CSMD2: variants seen among roughly 807,000 people sequenced by gnomAD.
The protein encoded by CSMD2 is CUB and sushi domain-containing protein 2.
In CSMD2, 130 loss-of-function variants were observed where a neutral mutation model predicts 398.5. The ratio of observed to expected loss-of-function variants is 0.33; its 90% CI spans 0.28 to 0.38. The LOEUF is 0.38. CSMD2 is among the 10% of genes least tolerant of loss of function. The pLI is 1.00. For synonymous variants in CSMD2, 1,828 were observed against 1,908.5 expected, an observed-to-expected ratio of 0.96 and a Z score of 1.10; for missense variants, 3,829 against 4,764.9, an observed-to-expected ratio of 0.80 and a Z score of 5.78.
At chr1:33,672,966 C>T (rs1005508490) in intron 25 of CSMD2, among the ~76,000 whole-genome samples, 1 of 152,212 alleles carries the variant, frequency 6.6e-6, no homozygotes, top group African/African-American at 2.4e-5. Context: ...ATCTGTACGT[C>T]ACCATCATCA....
intron 5 of CSMD2, chr1:33,864,548 G>A (rs529868623): frequency 5.4e-5 from 87 of 1,614,072 alleles, no homozygotes; most frequent in African/African-American, 1.5e-4. Context: ...CGAACTGGTC[G>A]GTGGTGCAGG....
intron 62 of CSMD2, among the ~76,000 whole-genome samples, chr1:33,534,115 C>G (rs1266549062): frequency 1.3e-5 from 2 of 152,178 alleles, no homozygotes; most frequent in African/African-American, 4.8e-5. Flanking sequence ...ATACCCTGAA[C>G]AAAGTTGTAA....
chr1:33,707,695 G>GCGCGCACACACACACACA (rs1172787777), intron 22 of CSMD2, among the ~76,000 whole-genome samples: 1 of 92,092 alleles, frequency 1.1e-5, no homozygotes, highest in Non-Finnish European at 2.1e-5. Flanking sequence ...GCGCGCGCGC[G>GCGCGCACACACACACACA]CACACACACA....
chr1:34,108,310 G>A (rs1488556338), intron 1 of CSMD2, among the ~76,000 whole-genome samples: 1 of 152,150 alleles, frequency 6.6e-6, no homozygotes, highest in Non-Finnish European at 1.5e-5. Context: ...CCCTAACATA[G>A]TGCCATGGAA....
At position 33,557,749 on chromosome 1, in the gene CSMD2, G is replaced by A. The variant is rs536882056; in HGVS notation, c.8728C>T (p.Arg2910Cys). Residue 2910 changes from arginine (R) to cysteine (C), a missense_variant, in exon 55 of 71, where the codon CGC becomes TGC. Arg to Cys is a radical substitution (Grantham distance 180). Coordinates refer to ENST00000373381, the MANE Select transcript of CSMD2 (RefSeq NM_001281956.2). The part of the protein sequence containing the change: ...CQGDGTWDRP[R>C]PQCLLVSCGH... ...ATCTACTTACAGAGACACTGGGGGCGGGGACGGTCCCATGTGCCATCTCCC... is the reference window on the plus strand; with the variant it reads ...ATCTACTTACAGAGACACTGGGGGCAGGGACGGTCCCATGTGCCATCTCCC... 6.8e-5 allele frequency: 104 copies of A among 1,536,004 alleles called. No homozygotes were observed. The highest frequency in any genetic ancestry group is 1.2e-4 in the African/African-American group (9 of 73,168).
At chr1:34,076,928 A>AATATATATATATATATATATATATAT (rs1177320523) in intron 2 of CSMD2, among the ~76,000 whole-genome samples, 1 of 53,600 alleles carries the variant, frequency 1.9e-5, no homozygotes, top group Non-Finnish European at 3.2e-5. Flanking sequence ...AAAAAAAAAA[A>AATATATATATATATATATATATATAT]ATATATATAT....
intron 6 of CSMD2, among the ~76,000 whole-genome samples, chr1:33,844,350 T>A (rs1661160306): frequency 6.6e-6 from 1 of 152,152 alleles, no homozygotes; most frequent in Admixed American, 6.5e-5. Context: ...GTGTCTAGCA[T>A]CTAATGGGCA....
At chr1:34,050,813 G>A (rs1176598332) in intron 2 of CSMD2, among the ~76,000 whole-genome samples, 1 of 151,482 alleles carries the variant, frequency 6.6e-6, no homozygotes, top group African/African-American at 2.4e-5. Flanking sequence ...AGGGAGGAAT[G>A]CTCCCACCAG....
intron 27 of CSMD2, 64 bp downstream of exon 27, chr1:33,657,882 G>A: frequency 6.8e-7 from 1 of 1,467,304 alleles, no homozygotes; most frequent in Non-Finnish European, 9.4e-7. Flanking sequence ...GCTGTGCATG[G>A]AAGGTTCTGG....
intron 13 of CSMD2, among the ~76,000 whole-genome samples, chr1:33,766,085 C>T (rs1358672562): frequency 1.3e-5 from 2 of 152,208 alleles, no homozygotes; most frequent in South Asian, 4.1e-4. Flanking sequence ...ACTGTGCTCC[C>T]ATAAACCCAC....
chr1:34,048,927 C>G (rs1570934800), intron 2 of CSMD2, among the ~76,000 whole-genome samples: 1 of 152,154 alleles, frequency 6.6e-6, no homozygotes, highest in Non-Finnish European at 1.5e-5. Context: ...GGACACTATG[C>G]CCACTGTTTC....
chr1:33,750,871 T>C (rs368125901), intron 13 of CSMD2, among the ~76,000 whole-genome samples: 14 of 152,278 alleles, frequency 9.2e-5, no homozygotes, highest in African/African-American at 3.1e-4. Context: ...AGGAAGGACT[T>C]TATTAGTATT....
At chr1:33,918,381 T>C (rs1215483862) in intron 4 of CSMD2, 80 bp from the exon 5 acceptor site, 1 of 1,098,094 alleles carries the variant, frequency 9.1e-7, no homozygotes. Context: ...ATACCTGCAA[T>C]ACATCCTTCT....
chr1:33,623,510 C>T, intron 35 of CSMD2, 44 bp from the exon 36 acceptor site: 3 of 1,386,200 alleles, frequency 2.2e-6, no homozygotes, highest in Non-Finnish European at 3.1e-6. Flanking sequence ...CAGCCTGCGT[C>T]CCTCCCTCCT....
intron 16 of CSMD2, 82 bp from the exon 17 acceptor site, chr1:33,725,618 G>A (rs1308846006): frequency 2.2e-6 from 3 of 1,350,644 alleles, no homozygotes; most frequent in Non-Finnish European, 3.1e-6. Context: ...GCCTGACCCA[G>A]GGCTTCCGAA....
At chr1:33,748,291 G>A (rs1647672131) in intron 13 of CSMD2, among the ~76,000 whole-genome samples, 1 of 152,152 alleles carries the variant, frequency 6.6e-6, no homozygotes, top group South Asian at 2.1e-4. Context: ...TCGCAAATGA[G>A]GGATTTTTAA....
Position 33,907,145 on chromosome 1 carries a change from G to A in CSMD2, c.920+10949C>T, listed in dbSNP as rs144377806. 8.8e-3 allele frequency among the ~76,000 whole-genome samples: 1,201 copies of A among 136,282 alleles called. 4 individuals carry two copies. Among genetic ancestry groups the A allele is most frequent in the Middle Eastern group, 0.048 (11 of 228 alleles). 89.4% of individuals were successfully genotyped at this position (136,282 alleles called of 152,430 possible). On this transcript the variant is annotated intron_variant, in intron 5 of 70. Transcript: ENST00000373381. ...TTTTTTTTTTTTTTTTTGAGACGGA[G>A]TCTGGCTCTGTCGCCCAGGCTGGAG...
At chr1:33,782,957 TG>T (rs1652982934) in intron 12 of CSMD2, among the ~76,000 whole-genome samples, 1 of 151,992 alleles carries the variant, frequency 6.6e-6, no homozygotes, top group African/African-American at 2.4e-5. Context: ...GATGGGTAGA[TG>T]GGAGTGAGAG....
chr1:34,014,155 C>T (rs942467813), intron 3 of CSMD2, among the ~76,000 whole-genome samples: 1 of 152,232 alleles, frequency 6.6e-6, no homozygotes, highest in African/African-American at 2.4e-5. Flanking sequence ...TTCACCGTTG[C>T]GGCTCTCACC....
Sources: gnomAD v4.1 joint callset for allele counts (sites outside exome capture counted in the v4.1 genomes callset) on GRCh38, gnomAD v4.1.1 for gene constraint, MANE v1.5 for transcripts, NCBI Gene and HGNC (gene_info 2026-07-23, HGNC 2026-07-21) for gene names.